CRADD: variants seen among roughly 807,000 people sequenced by gnomAD.
CRADD encodes CARD and death domain containing adaptor protein, also known as death domain-containing protein CRADD.
A neutral mutation model predicts 15.5 loss-of-function variants in CRADD; 9 were observed. The observed-to-expected ratio is 0.58, with a 90% CI of 0.35 to 1.01. CRADD has a LOEUF of 1.01. Among genes scored for constraint, CRADD ranks in the 50% least tolerant of loss-of-function variants. The pLI, the probability that CRADD is intolerant of heterozygous loss-of-function variation, is 0.02. For missense variants in CRADD, 227 were observed against 250.3 expected, an observed-to-expected ratio of 0.91 and a Z score of 0.63; for synonymous variants, 118 against 107.6, an observed-to-expected ratio of 1.10 and a Z score of -0.60.
chr12:93,813,465 C>A (rs1421189796), intron 2 of CRADD, among the ~76,000 whole-genome samples: 1 of 152,226 alleles, frequency 6.6e-6, no homozygotes, highest in Non-Finnish European at 1.5e-5. Flanking sequence ...CTCTGTCTTT[C>A]CATGGCCTTT....
chr12:93,800,213 CTGGGGGTGTATAGGG>C (rs1479331175), intron 2 of CRADD, among the ~76,000 whole-genome samples: 2 of 152,010 alleles, frequency 1.3e-5, no homozygotes, highest in Non-Finnish European at 2.9e-5. Context: ...GGGGTAGGGA[CTGGGGGTGTATAGGG>C]TGGATATAGT....
At chr12:93,698,176 T>G (rs927457417) in intron 2 of CRADD, among the ~76,000 whole-genome samples, 1 of 152,114 alleles carries the variant, frequency 6.6e-6, no homozygotes, top group African/African-American at 2.4e-5. Flanking sequence ...CTTCTCAGAT[T>G]CCAAGTGCCA....
chr12:93,819,334 CTAGAAACCAG>C (rs1407531890), intron 2 of CRADD, among the ~76,000 whole-genome samples: 1 of 152,194 alleles, frequency 6.6e-6, no homozygotes, highest in Non-Finnish European at 1.5e-5. Flanking sequence ...AGGGGAACAT[CTAGAAACCAG>C]CTCAAGCAAG....
chr12:93,714,798 C>T (rs1040670287), intron 2 of CRADD: 1 of 152,200 alleles, frequency 6.6e-6, no homozygotes, highest in African/African-American at 2.4e-5. Flanking sequence ...TCCAGAAATC[C>T]TCAACACAAT....
At chr12:93,754,087 C>G (rs1460508084) in intron 2 of CRADD, among the ~76,000 whole-genome samples, 1 of 152,212 alleles carries the variant, frequency 6.6e-6, no homozygotes, top group African/African-American at 2.4e-5. Context: ...TCCCAAACCT[C>G]AATTCTTGTT....
At chr12:93,730,769 G>T (rs568800632) in intron 2 of CRADD, among the ~76,000 whole-genome samples, 7 of 149,188 alleles carry the variant, frequency 4.7e-5, no homozygotes, top group African/African-American at 1.5e-4. Flanking sequence ...TGGCTGGAGT[G>T]CAGTGGCACA....
chr12:93,688,857 C>T (rs1465415347), intron 2 of CRADD, among the ~76,000 whole-genome samples: 1 of 152,194 alleles, frequency 6.6e-6, no homozygotes, highest in Non-Finnish European at 1.5e-5. Flanking sequence ...GCTCCAGAGC[C>T]CATCACCCTA....
At chr12:93,723,322 A>G (rs61928994) in intron 2 of CRADD, among the ~76,000 whole-genome samples, 5,701 of 152,302 alleles carry the variant, frequency 0.037, 171 homozygotes, top group South Asian at 0.066. Context: ...CCTATAGATA[A>G]CATCACTATT....
chr12:93,888,733 A>G (rs999558195), intron 2 of CRADD, among the ~76,000 whole-genome samples: 3 of 152,156 alleles, frequency 2.0e-5, no homozygotes, highest in Admixed American at 2.0e-4. Flanking sequence ...GTCTAGTCCA[A>G]GTTAATCCAT....
At chr12:93,733,201 CCTCTT>C (rs948065211) in intron 2 of CRADD, among the ~76,000 whole-genome samples, 3 of 152,220 alleles carry the variant, frequency 2.0e-5, no homozygotes, top group African/African-American at 7.2e-5. Context: ...TAATATTTTT[CCTCTT>C]CTCTTTTTTA....
intron 2 of CRADD, among the ~76,000 whole-genome samples, chr12:93,821,188 G>A (rs1442169367): frequency 6.6e-6 from 1 of 152,194 alleles, no homozygotes; most frequent in East Asian, 1.9e-4. Context: ...CCTTCTTTCA[G>A]GGCGACAGTT....
At chr12:93,795,155 G>A (rs1031664380) in intron 2 of CRADD, among the ~76,000 whole-genome samples, 1 of 152,168 alleles carries the variant, frequency 6.6e-6, no homozygotes, top group Non-Finnish European at 1.5e-5. Context: ...GTTCAGTGCT[G>A]TATCCCTGGC....
intron 2 of CRADD, among the ~76,000 whole-genome samples, chr12:93,862,065 C>T (rs1482293929): frequency 2.0e-5 from 3 of 152,164 alleles, no homozygotes; most frequent in African/African-American, 7.2e-5. Context: ...GTAAGAGAAC[C>T]TTTGTTTCTC....
At chr12:93,752,726 CA>C (rs1299903993) in intron 2 of CRADD, among the ~76,000 whole-genome samples, 4 of 152,122 alleles carry the variant, frequency 2.6e-5, no homozygotes, top group Admixed American at 6.5e-5. Context: ...TTCCACATGG[CA>C]GGGGGGGCCT....
intron 2 of CRADD, among the ~76,000 whole-genome samples, chr12:93,754,990 T>G (rs2136943800): frequency 6.7e-6 from 1 of 149,762 alleles, no homozygotes; most frequent in Admixed American, 6.7e-5. Context: ...GTTTAGTGGA[T>G]TCACAGTTCC....
downstream of CRADD, among the ~76,000 whole-genome samples, chr12:93,855,541 G>A (rs1205882534): frequency 2.0e-5 from 3 of 152,214 alleles, no homozygotes; most frequent in Admixed American, 1.3e-4. Flanking sequence ...TCGAGTCTAT[G>A]GGAATGCAGA....
Position 93,833,230 on chromosome 12 carries a change from C to T in CRADD, c.299-16740C>T, listed in dbSNP as rs139640918. ...ATAAGCCTCATTAATATTAAAGAAA[C>T]GTTGTGTTAGATACCACCCTAAGCA... On this transcript the variant is annotated intron_variant, in intron 2 of 2. Transcript: ENST00000332896. 3.9e-5 allele frequency among the ~76,000 whole-genome samples: 6 copies of T among 152,194 alleles called. No individual in the cohort carries two copies. The South Asian group carries it at 6.2e-4, about 16-fold the overall frequency.
chr12:93,890,104 A>G (rs752557862), intron 2 of CRADD, among the ~76,000 whole-genome samples: 5 of 151,894 alleles, frequency 3.3e-5, no homozygotes, highest in Non-Finnish European at 7.4e-5. Flanking sequence ...GAAGTACATA[A>G]ATTTGAAAGC....
intron 2 of CRADD, among the ~76,000 whole-genome samples, chr12:93,780,631 CA>C (rs1041854426): frequency 6.6e-6 from 1 of 152,026 alleles, no homozygotes; most frequent in Admixed American, 6.6e-5. Flanking sequence ...GGCACATAAA[CA>C]AACACATGCC....
Sources: gnomAD v4.1 joint callset for allele counts (sites outside exome capture counted in the v4.1 genomes callset) on GRCh38, gnomAD v4.1.1 for gene constraint, MANE v1.5 for transcripts, NCBI Gene and HGNC (gene_info 2026-07-23, HGNC 2026-07-21) for gene names.